PRUNE2: variants seen among roughly 807,000 people sequenced by gnomAD.
PRUNE2 encodes prune homolog 2 with BCH domain.
A neutral mutation model predicts 252.0 loss-of-function variants in PRUNE2; 164 were observed. The ratio of observed to expected loss-of-function variants is 0.65; its 90% CI spans 0.57 to 0.74. The LOEUF (loss-of-function observed/expected upper bound fraction) is 0.74, where lower values mean the gene tolerates loss of function less well. Among genes scored for constraint, PRUNE2 ranks in the 30% least tolerant of loss-of-function variants. PRUNE2 has a pLI of 0.00. For synonymous variants in PRUNE2, 1,292 were observed against 1,350.2 expected (o/e 0.96, Z 0.94); for missense variants, 3,495 against 3,711.0 (o/e 0.94, Z 1.51).
At chr9:76,638,123 C>T in intron 13 of PRUNE2, 63 bp downstream of exon 13, 2 of 981,592 alleles carry the variant, frequency 2.0e-6, no homozygotes, top group South Asian at 2.6e-5. Context: ...ATTAAAGGTG[C>T]TCTATCTGCC....
intron 1 of PRUNE2, among the ~76,000 whole-genome samples, chr9:76,867,193 C>T (rs1335168872): frequency 6.6e-6 from 1 of 151,564 alleles, no homozygotes; most frequent in East Asian, 1.9e-4. Flanking sequence ...TCCCACAACA[C>T]CATCAACCCC....
chr9:76,844,769 C>T (rs2059579975), intron 4 of PRUNE2, among the ~76,000 whole-genome samples: 1 of 152,100 alleles, frequency 6.6e-6, no homozygotes, highest in African/African-American at 2.4e-5. Context: ...TTCATCCTCT[C>T]ACATTCCAGT....
At chr9:76,764,186 A>G (rs1480583589) in intron 6 of PRUNE2, among the ~76,000 whole-genome samples, 3 of 152,222 alleles carry the variant, frequency 2.0e-5, no homozygotes, top group African/African-American at 4.8e-5. Context: ...CAGACATGTC[A>G]CTGCTCTCAT....
chr9:76,875,299 T>C (rs139338596), intron 1 of PRUNE2, among the ~76,000 whole-genome samples: 215 of 152,336 alleles, frequency 1.4e-3, no homozygotes, highest in African/African-American at 5.1e-3. Flanking sequence ...GGGTTGTAAA[T>C]AGATGTTATC....
intron 1 of PRUNE2, among the ~76,000 whole-genome samples, chr9:76,875,259 C>T (rs1285956929): frequency 1.3e-5 from 2 of 152,212 alleles, no homozygotes; most frequent in Non-Finnish European, 2.9e-5. Flanking sequence ...CCCATACCAC[C>T]TTCAATACTC....
At chr9:76,797,415 T>A (rs1479021260) in intron 6 of PRUNE2, among the ~76,000 whole-genome samples, 1 of 152,194 alleles carries the variant, frequency 6.6e-6, no homozygotes, top group Admixed American at 6.5e-5. Context: ...AGTTTTCTTT[T>A]CTTGGTAACA....
chr9:76,855,493 C>A (rs1434832438), intron 1 of PRUNE2, among the ~76,000 whole-genome samples: 1 of 152,010 alleles, frequency 6.6e-6, no homozygotes. Context: ...TTATCTACTA[C>A]ATATTTTACA....
At chr9:76,845,692 A>G (rs1165835325) in intron 4 of PRUNE2, among the ~76,000 whole-genome samples, 1 of 152,214 alleles carries the variant, frequency 6.6e-6, no homozygotes, top group Non-Finnish European at 1.5e-5. Context: ...AATTATTTCA[A>G]TCTGTTCATC....
rs113289998 is a variant in PRUNE2, at chr9:76,843,219, C to T, written c.508+3296G>A. Among the ~76,000 whole-genome samples the T allele has an allele frequency of 5.7e-3, 865 of 152,180 alleles. 13 individuals are homozygous for T. The highest frequency in any genetic ancestry group is 0.019 in the African/African-American group (805 of 41,508). ...ACCACCATTTCTCAGCAAACTAACA[C>T]GGGAACAGAAAACCAAACACCACAT... is the stretch of plus-strand genomic sequence containing the variant. On this transcript the variant is annotated intron_variant, in intron 4 of 18. Coordinates refer to ENST00000376718, the MANE Select transcript of PRUNE2 (RefSeq NM_015225.3).
chr9:76,764,766 T>G (rs915439479), intron 6 of PRUNE2, among the ~76,000 whole-genome samples: 17 of 152,210 alleles, frequency 1.1e-4, no homozygotes, highest in African/African-American at 3.9e-4. Flanking sequence ...AGGTGGTGGC[T>G]GGGCCTAGGC....
At chr9:76,810,469 G>A (rs1225671786) in intron 6 of PRUNE2, among the ~76,000 whole-genome samples, 1 of 152,150 alleles carries the variant, frequency 6.6e-6, no homozygotes. Context: ...CCTTTTGAAG[G>A]AATACAAGAA....
chr9:76,810,505 G>A (rs549574571), intron 6 of PRUNE2, among the ~76,000 whole-genome samples: 2 of 152,288 alleles, frequency 1.3e-5, no homozygotes, highest in South Asian at 4.2e-4. Flanking sequence ...CCAAAGCTTA[G>A]TTGTAGCATC....
chr9:76,753,504 CCTGTGGGTT>C (rs2050813740), intron 6 of PRUNE2, among the ~76,000 whole-genome samples: 1 of 152,106 alleles, frequency 6.6e-6, no homozygotes, highest in South Asian at 2.1e-4. Flanking sequence ...AAACAGATGA[CCTGTGGGTT>C]CTCCATTCTG....
chr9:76,776,887 AACACATACACACAC>A (rs1459456051), intron 6 of PRUNE2, among the ~76,000 whole-genome samples: 25 of 96,556 alleles, frequency 2.6e-4, no homozygotes, highest in African/African-American at 8.8e-4. Context: ...TCATTACCAA[AACACATACACACAC>A]ACACACACAC....
chr9:76,821,078 C>A (rs563974609), intron 6 of PRUNE2, among the ~76,000 whole-genome samples: 1 of 152,140 alleles, frequency 6.6e-6, no homozygotes, highest in South Asian at 2.1e-4. Flanking sequence ...TCAAAAGCAA[C>A]GGAAGATCTA....
At chr9:76,624,893 GACTGAAAATGGCATA>G in intron 16 of PRUNE2, 1 of 506,566 alleles carries the variant, frequency 2.0e-6, no homozygotes, top group Non-Finnish European at 3.5e-6. Flanking sequence ...ACAGGACAAA[GACTGAAAATGGCATA>G]CAAAAGACTG....
At chr9:76,732,276 C>T (rs1483049543) in intron 6 of PRUNE2, among the ~76,000 whole-genome samples, 1 of 152,154 alleles carries the variant, frequency 6.6e-6, no homozygotes, top group East Asian at 1.9e-4. Context: ...CACTGCACTC[C>T]AGCCTGGGGG....
chr9:76,752,638 T>C (rs963072831), intron 6 of PRUNE2, among the ~76,000 whole-genome samples: 2 of 152,226 alleles, frequency 1.3e-5, no homozygotes, highest in African/African-American at 4.8e-5. Context: ...TCAGCACTTA[T>C]AATACAGCAG....
intron 9 of PRUNE2, among the ~76,000 whole-genome samples, chr9:76,702,175 T>C (rs1448828096): frequency 6.6e-6 from 1 of 151,824 alleles, no homozygotes; most frequent in African/African-American, 2.4e-5. Context: ...TTCTCCTGTC[T>C]CAGCCTCCCA....
Sources: gnomAD v4.1 joint callset for allele counts (sites outside exome capture counted in the v4.1 genomes callset) on GRCh38, gnomAD v4.1.1 for gene constraint, MANE v1.5 for transcripts, NCBI Gene and HGNC (gene_info 2026-07-23, HGNC 2026-07-21) for gene names.